The following PM20D2 variants were observed in gnomAD, a reference collection of about 807,000 sequenced individuals.
PM20D2 encodes peptidase M20 domain containing 2, also known as xaa-Arg dipeptidase.
PM20D2 carries 33 observed loss-of-function variants against 42.9 expected under a neutral mutation model. That is an observed-to-expected ratio of 0.77 (90% CI 0.58 to 1.03). The LOEUF (loss-of-function observed/expected upper bound fraction) is 1.03, where lower values mean the gene tolerates loss of function less well. Ranked by LOEUF, PM20D2 falls within the 50% of genes least tolerant of loss-of-function variation. The pLI is 0.00. For missense variants in PM20D2, 548 were observed against 557.0 expected, an observed-to-expected ratio of 0.98 and a Z score of 0.16; for synonymous variants, 250 against 228.2, an observed-to-expected ratio of 1.10 and a Z score of -0.86.
Position 89,146,456 on chromosome 6 carries a change from C to T in PM20D2, c.312C>T (p.Arg104=), listed in dbSNP as rs932992224. Residue 104 remains arginine (R), a synonymous_variant, in exon 1 of 7, where the codon CGC becomes CGT. Transcript: ENST00000275072. The part of the protein sequence containing the change: ...PEARAPSATP[R]PLHLGFLCEY... ...CCCGGGCACCGAGCGCCACGCCACG[C>T]CCGCTGCACCTGGGCTTCCTCTGCG... 1.1e-5 allele frequency: 17 copies of T among 1,523,172 alleles called. No homozygotes were observed. Among genetic ancestry groups the T allele is most frequent in the Non-Finnish European group, 1.5e-5 (17 of 1,142,740 alleles). 94.4% of individuals were successfully genotyped at this position (1,523,172 alleles called of 1,614,324 possible).
chr6:89,142,597 G>T (rs1301178059), upstream of PM20D2, among the ~76,000 whole-genome samples: 1 of 152,060 alleles, frequency 6.6e-6, no homozygotes, highest in African/African-American at 2.4e-5. Flanking sequence ...TGAAATATCT[G>T]CACTCTCTCC....
In PM20D2 at chr6:89,164,082, C is replaced by G. The variant is rs950330280; in HGVS notation, c.*1819C>G. The G allele has an allele frequency of 6.6e-6, 1 of 151,994 alleles. No individual in the cohort carries two copies. The highest frequency in any genetic ancestry group is 2.4e-5 in the African/African-American group (1 of 41,380). 9.4% of individuals were successfully genotyped at this position (151,994 alleles called of 1,614,324 possible). On this transcript the variant is annotated 3_prime_UTR_variant, in exon 7 of 7. Coordinates refer to ENST00000275072, the MANE Select transcript of PM20D2 (RefSeq NM_001010853.3). ...CTTTTAAAAATTTTGGACTGCTTTT[C>G]GGTTTTAACAAATTCTCCACATGTG... is the stretch of plus-strand genomic sequence containing the variant.
In PM20D2 at chr6:89,161,873, A is replaced by G; in HGVS notation, c.1139A>G (p.Gln380Arg). 1 of 1,610,356 alleles carries G rather than the reference A, an allele frequency of 6.2e-7. No homozygotes were observed. Among genetic ancestry groups the G allele is most frequent in the Non-Finnish European group, 8.5e-7 (1 of 1,176,574 alleles). ...IGSNALNHTE[Q>R]YTEAAGSQEA... Reference sequence around the variant, plus strand: ...TCTAATGCCTTGAATCATACTGAACAGTACACTGAAGCTGCTGGTAAGTGT... The same window carrying G: ...TCTAATGCCTTGAATCATACTGAACGGTACACTGAAGCTGCTGGTAAGTGT... The change falls in exon 6 of 7, where the codon CAG becomes CGG. Residue 380 changes from glutamine (Q) to arginine (R), a missense_variant. Physicochemically the swap from Gln to Arg is conservative, Grantham distance 43. Around this residue, in one of 3 missense-constraint regions of PM20D2, gnomAD observed 71 missense variants for 69.7 expected, o/e 1.02. Coordinates refer to ENST00000275072, the MANE Select transcript of PM20D2 (RefSeq NM_001010853.3).
chr6:89,142,843 A>G (rs1365638803), upstream of PM20D2, among the ~76,000 whole-genome samples: 1 of 152,038 alleles, frequency 6.6e-6, no homozygotes, highest in African/African-American at 2.4e-5. Flanking sequence ...ATTTTTTAGT[A>G]GAGACGGGGT....
At chr6:89,123,777 T>C in the PM20D2 span, among the ~76,000 whole-genome samples, 10 of 150,322 alleles carry the variant, frequency 6.7e-5, no homozygotes, top group Admixed American at 1.3e-4. Flanking sequence ...CAATGGCTCA[T>C]GCCTGTAATC....
chr6:89,120,849 G>A, the PM20D2 span, among the ~76,000 whole-genome samples: 1 of 152,166 alleles, frequency 6.6e-6, no homozygotes, highest in Admixed American at 6.5e-5. Context: ...CTGCATTCCA[G>A]CATGAGTGAC....
the PM20D2 span, chr6:89,117,800 A>T: frequency 1.3e-6 from 2 of 1,543,310 alleles, no homozygotes; most frequent in Non-Finnish European, 1.7e-6. Context: ...CCGCGCCCCC[A>T]ACCTGCAGCC....
chr6:89,138,780 G>A, the PM20D2 span, among the ~76,000 whole-genome samples: 24,712 of 152,108 alleles, frequency 0.16, 2,712 homozygotes, highest in Non-Finnish European at 0.24. Flanking sequence ...TGGGAGAATT[G>A]CTTGAACTTG....
chr6:89,105,048 C>A, the PM20D2 span: 1 of 1,367,370 alleles, frequency 7.3e-7, no homozygotes, highest in Non-Finnish European at 9.7e-7. Context: ...ACAATGAGAC[C>A]CTATCAAAAA....
chr6:89,098,808 G>A, the PM20D2 span: 1 of 1,613,914 alleles, frequency 6.2e-7, no homozygotes. Context: ...GACCTCTTTT[G>A]TAAGGACTTG....
chr6:89,109,196 G>C, the PM20D2 span, among the ~76,000 whole-genome samples: 1 of 152,056 alleles, frequency 6.6e-6, no homozygotes, highest in African/African-American at 2.4e-5. Flanking sequence ...ACCCCAACCC[G>C]ATGCATTAAT....
At chr6:89,158,635 A>G (rs1771132769) in intron 5 of PM20D2, among the ~76,000 whole-genome samples, 175 bp downstream of exon 5, 1 of 152,218 alleles carries the variant, frequency 6.6e-6, no homozygotes, top group Admixed American at 6.5e-5. Flanking sequence ...GTGAGTGTAG[A>G]ATGTCAAACG....
At chr6:89,127,320 C>T in the PM20D2 span, among the ~76,000 whole-genome samples, 1 of 145,362 alleles carries the variant, frequency 6.9e-6, no homozygotes, top group Admixed American at 7.1e-5. Context: ...CACATCAGTA[C>T]CTGTGAAATG....
At chr6:89,102,975 G>C in the PM20D2 span, among the ~76,000 whole-genome samples, 1 of 152,094 alleles carries the variant, frequency 6.6e-6, no homozygotes, top group Non-Finnish European at 1.5e-5. Context: ...ATGTTGCCCA[G>C]GCTGGTCTCT....
intron 1 of PM20D2, among the ~76,000 whole-genome samples, chr6:89,146,936 T>C (rs1770599346): frequency 6.6e-6 from 1 of 152,250 alleles, no homozygotes; most frequent in South Asian, 2.1e-4. Context: ...TTTTGGTAAC[T>C]GAGAGAGGCA....
the PM20D2 span, among the ~76,000 whole-genome samples, chr6:89,122,342 C>T: frequency 3.3e-5 from 5 of 152,182 alleles, no homozygotes; most frequent in Admixed American, 3.3e-4. Context: ...GTAAAGTTCA[C>T]AATTCAAGGC....
chr6:89,158,779 A>G (rs1391826847), intron 5 of PM20D2, among the ~76,000 whole-genome samples: 1 of 152,212 alleles, frequency 6.6e-6, no homozygotes, highest in Non-Finnish European at 1.5e-5. Context: ...ATTCATTCTC[A>G]GTCATCACAA....
upstream of PM20D2, among the ~76,000 whole-genome samples, chr6:89,143,130 T>TG (rs1770395974): frequency 6.6e-6 from 1 of 151,914 alleles, no homozygotes; most frequent in Admixed American, 6.5e-5. Flanking sequence ...TGCTTTGCCA[T>TG]GAGCTCATGC....
chr6:89,121,691 C>G, the PM20D2 span, among the ~76,000 whole-genome samples: 1 of 152,172 alleles, frequency 6.6e-6, no homozygotes, highest in Non-Finnish European at 1.5e-5. Flanking sequence ...TGAGGATTCC[C>G]AAGGAGTATA....
Sources: gnomAD v4.1 joint callset for allele counts (sites outside exome capture counted in the v4.1 genomes callset) on GRCh38, gnomAD v4.1.1 for gene constraint, gnomAD v4.1.1 regional missense constraint, MANE v1.5 for transcripts, NCBI Gene and HGNC (gene_info 2026-07-23, HGNC 2026-07-21) for gene names.